The following GPX6 variants were observed in gnomAD, a reference collection of about 807,000 sequenced individuals.
The protein encoded by GPX6 is glutathione peroxidase 6 (olfactory).
Under a neutral mutation model 20.0 loss-of-function variants are expected in GPX6, and 21 were observed. That is an observed-to-expected ratio of 1.05 (90% CI 0.74 to 1.51). GPX6 has a LOEUF of 1.51. GPX6 is among the 40% of genes most tolerant of loss of function. The pLI, the probability that GPX6 is intolerant of heterozygous loss-of-function variation, is 0.00. For missense variants in GPX6, 233 were observed against 254.7 expected (o/e 0.91, Z 0.58); for synonymous variants, 75 against 98.0 (o/e 0.77, Z 1.38).
chr6:28,514,767 T>C (rs1029403259), intron 1 of GPX6, among the ~76,000 whole-genome samples: 3 of 152,208 alleles, frequency 2.0e-5, no homozygotes, highest in African/African-American at 7.2e-5. Flanking sequence ...CATTATATGA[T>C]AGGCATTGTA....
At chr6:28,510,971 TTTCAAAACAC>T in intron 1 of GPX6, 67 bp from the exon 2 acceptor site, 3 of 1,398,712 alleles carry the variant, frequency 2.1e-6, no homozygotes, top group Non-Finnish European at 3.0e-6. Context: ...TTGTGGACTT[TTTCAAAACAC>T]TCGAAGACCC....
At position 28,515,707 on chromosome 6, in the gene GPX6, A is replaced by C; in HGVS notation, c.37T>G (p.Phe13Val). 6.2e-7 allele frequency: 1 copy of C among 1,613,956 alleles called. No homozygotes were observed. The highest frequency in any genetic ancestry group is 1.7e-4 in the Middle Eastern group (1 of 6,060). Residue 13 changes from phenylalanine to valine, a missense_variant, in exon 1 of 5, where the codon TTT becomes GTT. Physicochemically the swap from Phe to Val is conservative, Grantham distance 50. Coordinates refer to ENST00000361902, the MANE Select transcript of GPX6 (RefSeq NM_182701.1). Reference protein sequence around the residue: ...QQFQASCLVLFFLVGFAQQTL... With the variant: ...QQFQASCLVLVFLVGFAQQTL... Reference sequence around the variant, plus strand: ...TGCTGAGCAAAGCCAACCAGGAAAAACAGGACAAGACAGGAGGCCTGGAAC... The same window carrying C: ...TGCTGAGCAAAGCCAACCAGGAAAACCAGGACAAGACAGGAGGCCTGGAAC...
intron 1 of GPX6, among the ~76,000 whole-genome samples, chr6:28,514,901 G>A (rs34525298): frequency 0.018 from 2,722 of 152,278 alleles, 72 homozygotes; most frequent in African/African-American, 0.055. Context: ...GGGTGCCTCA[G>A]GTGATCTGCT....
intron 1 of GPX6, among the ~76,000 whole-genome samples, chr6:28,511,803 C>T (rs899691652): frequency 3.3e-5 from 5 of 152,260 alleles, no homozygotes; most frequent in Admixed American, 1.3e-4. Context: ...TGGCCAAGGC[C>T]GGAGCCGGCC....
At chr6:28,505,665 C>A in intron 4 of GPX6, 38 bp downstream of exon 4, 2 of 1,519,204 alleles carry the variant, frequency 1.3e-6, no homozygotes, top group Non-Finnish European at 1.8e-6. Flanking sequence ...CAGAGCATTT[C>A]TAGCTAACCC....
chr6:28,515,192 C>CA (rs1224796109), intron 1 of GPX6, among the ~76,000 whole-genome samples: 4 of 152,180 alleles, frequency 2.6e-5, no homozygotes, highest in African/African-American at 9.7e-5. Context: ...GTGCAGATCG[C>CA]AAGCCCAGAT....
chr6:28,511,082 C>A (rs948576193), intron 1 of GPX6, among the ~76,000 whole-genome samples, 178 bp from the exon 2 acceptor site: 1 of 152,106 alleles, frequency 6.6e-6, no homozygotes, highest in African/African-American at 2.4e-5. Context: ...GAATTTATGT[C>A]TTCTAAATTA....
Position 28,504,097 on chromosome 6 carries a change from C to CGT in GPX6, c.*194_*195insAC. 3.5e-6 allele frequency: 2 copies of CGT among 576,554 alleles called. No homozygotes were observed. The highest frequency in any genetic ancestry group is 2.1e-5 in the South Asian group (1 of 48,204). The allele number at this position is 576,554 out of a possible 1,614,324, so 35.7% of individuals were successfully genotyped here. On this transcript the variant is annotated 3_prime_UTR_variant, in exon 5 of 5. Transcript: ENST00000361902. ...ACCAACAAATACAATTCTACATATC[C>CGT]ATACACACACACACACACACACACA... is the stretch of plus-strand genomic sequence containing the variant.
At chr6:28,512,922 G>C (rs1239922865) in intron 1 of GPX6, among the ~76,000 whole-genome samples, 1 of 152,052 alleles carries the variant, frequency 6.6e-6, no homozygotes, top group Admixed American at 6.6e-5. Context: ...AAACCCGCCA[G>C]AAGGAACAAA....
At chr6:28,514,283 A>G (rs1762984815) in intron 1 of GPX6, among the ~76,000 whole-genome samples, 1 of 152,230 alleles carries the variant, frequency 6.6e-6, no homozygotes, top group Admixed American at 6.5e-5. Flanking sequence ...GAATCCCACG[A>G]AAACTGCAGA....
chr6:28,510,781 C>T lies in GPX6; in HGVS notation c.211G>A (p.Ala71Thr), dbSNP rs1188213920. 5.0e-6 allele frequency: 8 copies of T among 1,613,788 alleles called. No individual in the cohort carries two copies. Among genetic ancestry groups the T allele is most frequent in the Admixed American group, 3.3e-5 (2 of 59,976 alleles). ...GKHVLFVNVAAYUGLAAQYPE... is the reference protein window; with the variant it reads ...GKHVLFVNVATYUGLAAQYPE... Reference sequence around the variant, plus strand: ...TACTGAGCTGCCAAGCCTCAATAGGCGGCCACATTGACAAACAGGACGTGC... The same window carrying T: ...TACTGAGCTGCCAAGCCTCAATAGGTGGCCACATTGACAAACAGGACGTGC... Residue 71 changes from alanine to threonine, a missense_variant, in exon 2 of 5, where the codon GCC (alanine) becomes ACC (threonine). Coordinates refer to ENST00000361902, the MANE Select transcript of GPX6 (RefSeq NM_182701.1).
chr6:28,508,320 C>T (rs145036574), intron 2 of GPX6, among the ~76,000 whole-genome samples: 11 of 152,230 alleles, frequency 7.2e-5, no homozygotes, highest in East Asian at 1.9e-4. Context: ...ACAAAACTGT[C>T]GTTTGGGCTC....
In GPX6 at chr6:28,504,022, AACACACACACACAC is replaced by A. The variant is rs67996303; in HGVS notation, c.*256_*269del. ...TAGGTGTTCTTTTCCTTAATCTTCA[AACACACACACACAC>A]ACACACACACACACCATACATACAC... On this transcript the variant is annotated 3_prime_UTR_variant, in exon 5 of 5. Transcript: ENST00000361902. 2.4e-5 allele frequency: 8 copies of A among 338,936 alleles called. No homozygotes were observed. Among genetic ancestry groups the A allele is most frequent in the Non-Finnish European group, 4.2e-5 (8 of 191,000 alleles). 21.0% of individuals were successfully genotyped at this position (338,936 alleles called of 1,614,324 possible).
intron 1 of GPX6, among the ~76,000 whole-genome samples, chr6:28,511,206 C>T (rs1479304774): frequency 1.3e-5 from 2 of 152,232 alleles, no homozygotes; most frequent in African/African-American, 4.8e-5. Context: ...CCCCCGACAT[C>T]CTAACACTCC....
At chr6:28,506,161 G>A (rs1313487434) in intron 3 of GPX6, 151 bp downstream of exon 3, 8 of 647,714 alleles carry the variant, frequency 1.2e-5, no homozygotes, top group Non-Finnish European at 2.2e-5. Context: ...ACTGTGAATA[G>A]AATAGATTGA....
At chr6:28,512,849 C>T (rs1328425211) in intron 1 of GPX6, among the ~76,000 whole-genome samples, 1 of 152,002 alleles carries the variant, frequency 6.6e-6, no homozygotes, top group Non-Finnish European at 1.5e-5. Context: ...TAACACTGAC[C>T]GCGAGGCTTT....
At chr6:28,512,647 C>A (rs567428703) in intron 1 of GPX6, among the ~76,000 whole-genome samples, 4 of 152,188 alleles carry the variant, frequency 2.6e-5, no homozygotes, top group African/African-American at 9.6e-5. Context: ...CGTGGGTCCC[C>A]TTCCACACTG....
At chr6:28,504,853 A>C (rs1762793189) in intron 4 of GPX6, among the ~76,000 whole-genome samples, 1 of 152,204 alleles carries the variant, frequency 6.6e-6, no homozygotes, top group Non-Finnish European at 1.5e-5. Flanking sequence ...GCAGAAAAAA[A>C]AAGAGATTGA....
intron 1 of GPX6, among the ~76,000 whole-genome samples, chr6:28,513,700 G>C (rs971331432): frequency 8.1e-6 from 1 of 123,424 alleles, no homozygotes; most frequent in African/African-American, 3.9e-5. Context: ...TATGTGGTAA[G>C]AGAGGCTATA....
Sources: gnomAD v4.1 joint callset for allele counts (sites outside exome capture counted in the v4.1 genomes callset) on GRCh38, gnomAD v4.1.1 for gene constraint, MANE v1.5 for transcripts, NCBI Gene and HGNC (gene_info 2026-07-23, HGNC 2026-07-21) for gene names.